Variants in KIAA1217 observed in about 807,000 individuals in gnomAD.
The protein encoded by KIAA1217 is KIAA1217.
KIAA1217 carries 88 observed loss-of-function variants against 163.9 expected under a neutral mutation model. The ratio of observed to expected loss-of-function variants is 0.54; its 90% confidence interval spans 0.45 to 0.64. The LOEUF (loss-of-function observed/expected upper bound fraction) is 0.64. Ranked by LOEUF, KIAA1217 falls within the 30% of genes least tolerant of loss-of-function variation. The pLI, the probability that KIAA1217 is intolerant of heterozygous loss-of-function variation, is 0.00. For synonymous variants in KIAA1217, 903 were observed against 923.1 expected, an observed-to-expected ratio of 0.98 and a Z score of 0.39; for missense variants, 2,372 against 2,475.0, an observed-to-expected ratio of 0.96 and a Z score of 0.88.
intron 2 of KIAA1217, among the ~76,000 whole-genome samples, chr10:24,034,893 G>A (rs1343875019): frequency 2.0e-5 from 3 of 152,180 alleles, no homozygotes; most frequent in Admixed American, 1.3e-4. Context: ...ATGACACGAC[G>A]CTCATGCACA....
In KIAA1217 at chr10:24,503,034, T is replaced by G. The variant is rs370015332; in HGVS notation, c.2001+1489T>G. Among the ~76,000 whole-genome samples the G allele has an allele frequency of 4.3e-4, 66 of 152,336 alleles. 1 individual carries two copies. The highest frequency in any genetic ancestry group is 1.5e-3 in the African/African-American group (63 of 41,588). ...CAGGATCCTGGAGCAGCCATGGGGA[T>G]GCAACCTCCTGAGCCCTTTCCTCTA... On this transcript the variant is annotated intron_variant, in intron 9 of 20. Transcript: ENST00000376454.
chr10:24,010,282 C>T (rs981917192), intron 2 of KIAA1217, among the ~76,000 whole-genome samples: 6 of 151,786 alleles, frequency 4.0e-5, no homozygotes, highest in Non-Finnish European at 8.8e-5. Flanking sequence ...TTGTTCTTGT[C>T]ACAGATAAAA....
At chr10:24,301,192 C>T (rs971666054) in intron 2 of KIAA1217, among the ~76,000 whole-genome samples, 1 of 152,116 alleles carries the variant, frequency 6.6e-6, no homozygotes, top group African/African-American at 2.4e-5. Context: ...AGATAAGTGC[C>T]CCCCTGCTCT....
At chr10:24,263,829 A>G (rs1376815892) in intron 2 of KIAA1217, among the ~76,000 whole-genome samples, 2 of 152,108 alleles carry the variant, frequency 1.3e-5, no homozygotes, top group South Asian at 2.1e-4. Flanking sequence ...TAGGATAATT[A>G]TAGATACTCT....
chr10:23,928,717 C>T (rs7094424), intron 1 of KIAA1217, among the ~76,000 whole-genome samples: 23,496 of 152,086 alleles, frequency 0.15, 4,477 homozygotes, highest in African/African-American at 0.45. Context: ...CATTATTATC[C>T]GCATTTTACA....
intron 1 of KIAA1217, among the ~76,000 whole-genome samples, chr10:23,992,661 C>A (rs1307483903): frequency 6.7e-6 from 1 of 148,962 alleles, no homozygotes; most frequent in Non-Finnish European, 1.5e-5. Flanking sequence ...GGAACGCATC[C>A]CAGCCAAAGG....
intron 1 of KIAA1217, among the ~76,000 whole-genome samples, chr10:23,939,947 AATATTAAATATAAACT>A (rs1298402397): frequency 2.0e-5 from 3 of 149,940 alleles, no homozygotes; most frequent in Non-Finnish European, 4.4e-5. Flanking sequence ...TTAAATATAT[AATATTAAATATAAACT>A]ATATTAAATA....
intron 1 of KIAA1217, among the ~76,000 whole-genome samples, chr10:23,795,569 A>G (rs144522510): frequency 0.019 from 2,933 of 152,348 alleles, 96 homozygotes; most frequent in African/African-American, 0.066. Context: ...TATGGTGGTT[A>G]TAAAGTGGTT....
chr10:24,239,405 T>A (rs989942529), intron 2 of KIAA1217: 30 of 569,624 alleles, frequency 5.3e-5, no homozygotes, highest in Admixed American at 6.4e-5. Context: ...TCGCTCTGTT[T>A]CTCGGCATTG....
At chr10:23,863,997 CCT>C (rs1445659116) in intron 1 of KIAA1217, among the ~76,000 whole-genome samples, 1 of 152,056 alleles carries the variant, frequency 6.6e-6, no homozygotes, top group Non-Finnish European at 1.5e-5. Flanking sequence ...CAATGGTTTA[CCT>C]TGTGCCTGCA....
intron 1 of KIAA1217, among the ~76,000 whole-genome samples, chr10:23,914,692 C>T (rs1842569064): frequency 6.6e-6 from 1 of 152,132 alleles, no homozygotes; most frequent in Non-Finnish European, 1.5e-5. Context: ...AGTAGTGATC[C>T]TCCCTCCCCT....
Position 24,543,979 on chromosome 10 carries a change from A to G in KIAA1217, c.4709A>G (p.Lys1570Arg). 5 of 1,614,150 alleles carry G rather than the reference A, an allele frequency of 3.1e-6. No homozygotes were observed. Among genetic ancestry groups the G allele is most frequent in the Non-Finnish European group, 4.2e-6 (5 of 1,180,026 alleles). The change falls in exon 19 of 21, where the codon AAG becomes AGG. Residue 1570 changes from lysine to arginine, a missense_variant. Around this residue, in one of 3 missense-constraint regions of KIAA1217, gnomAD observed 690 missense variants for 677.5 expected, o/e 1.02. Coordinates refer to ENST00000376454, the MANE Select transcript of KIAA1217 (RefSeq NM_019590.5). ...ACCGATGACCAGTTTGAAAGCCCCA[A>G]GAAAAAGTTTAAATTCAAATTCCCT... ...DATDDQFESPKKKFKFKFPKK... is the reference protein window; with the variant it reads ...DATDDQFESPRKKFKFKFPKK...
chr10:24,521,846 G>A lies in KIAA1217; in HGVS notation c.2373G>A (p.Arg791=). 1.2e-6 allele frequency: 2 copies of A among 1,613,910 alleles called. No individual in the cohort carries two copies. Among genetic ancestry groups the A allele is most frequent in the South Asian group, 2.2e-5 (2 of 91,078 alleles). ...AILRIEVEAV[R]FLKEEPHKLD... The stretch of plus-strand genomic sequence containing the variant: ...TGCGCATAGAAGTGGAGGCCGTGCG[G>A]TTTCTGAAGGAGGAGCCACACAAGC... Residue 791 remains arginine (R), a synonymous_variant, in exon 12 of 21, where the codon CGG becomes CGA. Transcript: ENST00000376454.
intron 2 of KIAA1217, among the ~76,000 whole-genome samples, chr10:24,369,073 A>G (rs1033349562): frequency 1.3e-5 from 2 of 152,158 alleles, no homozygotes; most frequent in Admixed American, 6.5e-5. Context: ...CTCTCATTAT[A>G]AATTTTGTCT....
intron 2 of KIAA1217, among the ~76,000 whole-genome samples, chr10:24,062,402 C>T (rs2060762344): frequency 6.7e-6 from 1 of 149,048 alleles, no homozygotes; most frequent in South Asian, 2.2e-4. Flanking sequence ...GGTTTTTGGT[C>T]CTTGAGATAG....
intron 4 of KIAA1217, among the ~76,000 whole-genome samples, chr10:24,436,803 T>C (rs1273766115): frequency 1.4e-5 from 2 of 145,626 alleles, no homozygotes; most frequent in African/African-American, 2.5e-5. Context: ...AAAAGTATCA[T>C]GTAGATTTCA....
chr10:23,751,851 T>G (rs900704243), intron 1 of KIAA1217, among the ~76,000 whole-genome samples: 1 of 152,218 alleles, frequency 6.6e-6, no homozygotes, highest in South Asian at 2.1e-4. Context: ...GAGAAGCTGT[T>G]CAGGCTGAGG....
At chr10:24,122,744 G>A (rs908011783) in intron 2 of KIAA1217, among the ~76,000 whole-genome samples, 3 of 151,884 alleles carry the variant, frequency 2.0e-5, no homozygotes, top group African/African-American at 7.3e-5. Flanking sequence ...TCTAGCCTCT[G>A]GCCTCCAAAT....
chr10:24,440,527 A>T (rs945669688), intron 5 of KIAA1217, among the ~76,000 whole-genome samples: 3 of 152,168 alleles, frequency 2.0e-5, no homozygotes, highest in African/African-American at 7.2e-5. Context: ...CAGCTCTGGT[A>T]CCTACGTAAG....
Sources: allele counts gnomAD v4.1 joint callset (sites outside exome capture counted in the v4.1 genomes callset), GRCh38; gene constraint gnomAD v4.1.1; regional missense constraint gnomAD v4.1.1; transcripts MANE v1.5; gene names NCBI Gene and HGNC (gene_info 2026-07-23, HGNC 2026-07-21).